Variants in UGT1A8 observed in about 807,000 individuals in gnomAD.
UGT1A8 encodes UDP glucuronosyltransferase family 1 member A8, also known as UDP-glucuronosyltransferase 1A8.
A neutral mutation model predicts 45.3 loss-of-function variants in UGT1A8; 39 were observed. The observed-to-expected ratio is 0.86, with a 90% CI of 0.67 to 1.12. UGT1A8 has a LOEUF of 1.12. UGT1A8 is among the 50% of genes most tolerant of loss of function. UGT1A8 has a pLI of 0.00. For missense variants in UGT1A8, 719 were observed against 664.9 expected, an observed-to-expected ratio of 1.08 and a Z score of -0.90; for synonymous variants, 275 against 249.2, an observed-to-expected ratio of 1.10 and a Z score of -0.97.
At position 233,725,179 on chromosome 2, in the gene UGT1A8, G is replaced by GAGAGGCAGAGGC. The variant is rs879478240; in HGVS notation, c.856-41825_856-41814dup. Among the ~76,000 whole-genome samples the GAGAGGCAGAGGC allele has an allele frequency of 1.3e-4, 9 of 67,606 alleles. 4 individuals carry two copies. Among genetic ancestry groups the GAGAGGCAGAGGC allele is most frequent in the South Asian group, 1.1e-3 (2 of 1,884 alleles). The allele number at this position is 67,606 out of a possible 152,430, so 44.4% of individuals were successfully genotyped here. A position where few individuals can be genotyped will look rare whatever the true frequency, so the allele number is the denominator to read the frequency against. ...CTCTGCATGAGAGGGAGACCGTGGGGAGAGGCAGAGGCAGAGGCAGAGGCA... is the reference window on the plus strand; with the variant it reads ...CTCTGCATGAGAGGGAGACCGTGGGGAGAGGCAGAGGCAGAGGCAGAGGCAGAGGCAGAGGCA... On this transcript the variant is annotated intron_variant, in intron 1 of 4. Transcript: ENST00000373450.
rs115410088 is a variant in UGT1A8, at chr2:233,772,335, T to C, written c.1369T>C (p.Phe457Leu). Residue 457 changes from phenylalanine to leucine, a missense_variant, in exon 5 of 5, where the codon TTC becomes CTC. Phe to Leu is a conservative substitution (Grantham distance 22, BLOSUM62 0). Coordinates refer to ENST00000373450, the MANE Select transcript of UGT1A8 (RefSeq NM_019076.5). ...GGTGGAGCCGCTGGACCTGGCCGTG[T>C]TCTGGGTGGAGTTTGTGATGAGGCA... Reference protein sequence around the residue: ...RPVEPLDLAVFWVEFVMRHKG... With the variant: ...RPVEPLDLAVLWVEFVMRHKG... The C allele has an allele frequency of 2.5e-5, 41 of 1,614,238 alleles. No individual in the cohort carries two copies. Among genetic ancestry groups the C allele is most frequent in the Non-Finnish European group, 3.4e-5 (40 of 1,180,030 alleles).
chr2:233,617,649 C>T lies in UGT1A8; in HGVS notation c.-59C>T, dbSNP rs45621236. 230 of 1,554,192 alleles carry T rather than the reference C, an allele frequency of 1.5e-4. 1 individual carries two copies. Among genetic ancestry groups the T allele is most frequent in the Non-Finnish European group, 1.8e-4 (209 of 1,149,760 alleles). On this transcript the variant is annotated 5_prime_UTR_variant, in exon 1 of 5. Coordinates refer to ENST00000373450, the MANE Select transcript of UGT1A8 (RefSeq NM_019076.5). ...TCAGGTTTTGTGCCTGTAGTTCTTCCGCCTACTGTATCATAGCAGCTTAGA... is the reference window on the plus strand; with the variant it reads ...TCAGGTTTTGTGCCTGTAGTTCTTCTGCCTACTGTATCATAGCAGCTTAGA...
intron 1 of UGT1A8, chr2:233,743,624 T>A (rs1166046864): frequency 3.7e-6 from 5 of 1,367,280 alleles, no homozygotes; most frequent in Admixed American, 3.8e-5. Flanking sequence ...CCTGAAGACG[T>A]CGGCTGGGTC....
chr2:233,681,210 C>G (rs1421439144), intron 1 of UGT1A8, among the ~76,000 whole-genome samples: 1 of 151,926 alleles, frequency 6.6e-6, no homozygotes, highest in Non-Finnish European at 1.5e-5. Flanking sequence ...ATGCCAATTT[C>G]TTTCTGGGCA....
At position 233,618,188 on chromosome 2, in the gene UGT1A8, T is replaced by G; in HGVS notation, c.481T>G (p.Phe161Val). The change falls in exon 1 of 5, where the codon TTC becomes GTC. Residue 161 changes from phenylalanine (F) to valine (V), a missense_variant. By Grantham distance (50) the Phe-to-Val change is conservative. Transcript: ENST00000373450. Reference sequence around the variant, plus strand: ...CTGTGGCTTAATTGTTGCCAAATATTTCTCCCTCCCCTCTGTGGTCTTCGC... The same window carrying G: ...CTGTGGCTTAATTGTTGCCAAATATGTCTCCCTCCCCTCTGTGGTCTTCGC... ...DACGLIVAKY[F>V]SLPSVVFARG... The G allele has an allele frequency of 1.2e-6, 2 of 1,614,086 alleles. No individual in the cohort carries two copies. The highest frequency in any genetic ancestry group is 1.7e-6 in the Non-Finnish European group (2 of 1,180,016).
intron 1 of UGT1A8, among the ~76,000 whole-genome samples, chr2:233,731,168 T>A (rs1313291260): frequency 6.6e-6 from 1 of 152,138 alleles, no homozygotes; most frequent in Non-Finnish European, 1.5e-5. Flanking sequence ...AACGACATGA[T>A]TTTTTTATGC....
chr2:233,693,738 C>A, intron 1 of UGT1A8: 2 of 1,614,170 alleles, frequency 1.2e-6, no homozygotes, highest in South Asian at 2.2e-5. Context: ...GATATAATCA[C>A]CTTATATCAG....
In UGT1A8 at chr2:233,747,894, T is replaced by C. The variant is rs576515200; in HGVS notation, c.856-19140T>C. 115 of 1,613,584 alleles carry C rather than the reference T, an allele frequency of 7.1e-5. 5 individuals are homozygous for C. In the South Asian group the frequency reaches 1.2e-3, roughly 17 times the overall value. On this transcript the variant is annotated intron_variant, in intron 1 of 4. Coordinates refer to ENST00000373450, the MANE Select transcript of UGT1A8 (RefSeq NM_019076.5). ...CCTGTCCTACCTTTGCCATGCTCTTTCTGCTCCTTATGCAAGCCTTGCCTC... is the reference window on the plus strand; with the variant it reads ...CCTGTCCTACCTTTGCCATGCTCTTCCTGCTCCTTATGCAAGCCTTGCCTC...
In UGT1A8 at chr2:233,618,437, C is replaced by A; in HGVS notation, c.730C>A (p.Leu244Ile). The A allele has an allele frequency of 6.2e-7, 1 of 1,613,920 alleles. No individual in the cohort carries two copies. Among genetic ancestry groups the A allele is most frequent in the Non-Finnish European group, 8.5e-7 (1 of 1,179,836 alleles). The change falls in exon 1 of 5, where the codon CTC becomes ATC. Residue 244 changes from leucine (L) to isoleucine (I), a missense_variant. Leu to Ile is a conservative substitution (Grantham distance 5, BLOSUM62 2). Transcript: ENST00000373450. ...ILQTPVTAYD[L>I]YSHTSIWLLR... ...CCAAACACCTGTCACAGCATATGATCTCTACAGCCACACATCAATTTGGTT... is the reference window on the plus strand; with the variant it reads ...CCAAACACCTGTCACAGCATATGATATCTACAGCCACACATCAATTTGGTT...
At chr2:233,755,966 T>C (rs1157014475) in intron 1 of UGT1A8, 5 of 152,190 alleles carry the variant, frequency 3.3e-5, no homozygotes, top group African/African-American at 7.2e-5. Context: ...CTTGGCTCTA[T>C]AGAGAGGTGG....
intron 1 of UGT1A8, among the ~76,000 whole-genome samples, chr2:233,622,488 T>C (rs2073026699): frequency 6.6e-6 from 1 of 152,248 alleles, no homozygotes; most frequent in African/African-American, 2.4e-5. Context: ...CCAGTGATGA[T>C]GAGCATTTTT....
intron 1 of UGT1A8, among the ~76,000 whole-genome samples, chr2:233,761,774 C>T (rs1257781750): frequency 1.3e-5 from 2 of 152,222 alleles, no homozygotes; most frequent in Non-Finnish European, 2.9e-5. Context: ...GCATTCACAT[C>T]CTCATCGAAA....
At chr2:233,737,893 C>T (rs954991944) in intron 1 of UGT1A8, among the ~76,000 whole-genome samples, 2 of 152,082 alleles carry the variant, frequency 1.3e-5, no homozygotes, top group African/African-American at 4.8e-5. Flanking sequence ...AGCTAATTTT[C>T]GAGTGTGGTA....
chr2:233,703,444 G>A (rs765581131), intron 1 of UGT1A8, among the ~76,000 whole-genome samples: 11 of 151,692 alleles, frequency 7.3e-5, no homozygotes, highest in Non-Finnish European at 1.0e-4. Context: ...TTTCTATGTC[G>A]TTAATTTCCC....
intron 1 of UGT1A8, among the ~76,000 whole-genome samples, chr2:233,676,581 A>C (rs1160046946): frequency 6.6e-6 from 1 of 152,118 alleles, no homozygotes; most frequent in Non-Finnish European, 1.5e-5. Flanking sequence ...TACCACCTGA[A>C]ATGTAGTCAT....
At chr2:233,683,760 A>G (rs2074649799) in intron 1 of UGT1A8, among the ~76,000 whole-genome samples, 1 of 152,144 alleles carries the variant, frequency 6.6e-6, no homozygotes, top group Admixed American at 6.5e-5. Flanking sequence ...ACTATGCATA[A>G]TTAATGTACT....
chr2:233,728,923 A>G (rs3806597), intron 1 of UGT1A8, among the ~76,000 whole-genome samples: 83,819 of 152,074 alleles, frequency 0.55, 25,237 homozygotes, highest in African/African-American at 0.81. Flanking sequence ...CAAGATAGTC[A>G]TGATCGGTCT....
intron 1 of UGT1A8, among the ~76,000 whole-genome samples, chr2:233,660,822 C>T (rs1336759249): frequency 1.3e-5 from 2 of 152,092 alleles, no homozygotes; most frequent in African/African-American, 4.8e-5. Flanking sequence ...CAATGCTTCT[C>T]TTCATGGGGT....
At chr2:233,629,181 A>G (rs1021081628) in intron 1 of UGT1A8, among the ~76,000 whole-genome samples, 14 of 152,118 alleles carry the variant, frequency 9.2e-5, no homozygotes, top group African/African-American at 3.4e-4. Context: ...GTATCTGACT[A>G]TTTTAGATAC....
Sources: allele counts gnomAD v4.1 joint callset (sites outside exome capture counted in the v4.1 genomes callset), GRCh38; gene constraint gnomAD v4.1.1; transcripts MANE v1.5; gene names NCBI Gene and HGNC (gene_info 2026-07-23, HGNC 2026-07-21).